Variants in MTSS1 observed in about 807,000 individuals in gnomAD.
The protein encoded by MTSS1 is protein MTSS 1.
MTSS1 carries 18 observed loss-of-function variants against 79.0 expected under a neutral mutation model. The observed-to-expected ratio is 0.23, with a 90% CI of 0.16 to 0.34. The LOEUF (loss-of-function observed/expected upper bound fraction) is 0.34. Among genes scored for constraint, MTSS1 ranks in the 10% least tolerant of loss-of-function variants. The pLI is 1.00. For synonymous variants in MTSS1, 341 were observed against 368.6 expected, an observed-to-expected ratio of 0.93 and a Z score of 0.86; for missense variants, 815 against 986.2, an observed-to-expected ratio of 0.83 and a Z score of 2.33.
chr8:124,607,259 G>A (rs1223050497), intron 3 of MTSS1, among the ~76,000 whole-genome samples: 1 of 152,206 alleles, frequency 6.6e-6, no homozygotes, highest in Admixed American at 6.5e-5. Flanking sequence ...CTGCAACTAA[G>A]CCAAGACTCT....
intron 3 of MTSS1, among the ~76,000 whole-genome samples, chr8:124,631,132 G>A (rs185286830): frequency 6.6e-6 from 1 of 152,302 alleles, no homozygotes; most frequent in Non-Finnish European, 1.5e-5. Context: ...AAACATACAC[G>A]CAGCACAGAG....
chr8:124,558,651 T>A (rs1238057101), intron 10 of MTSS1: 1 of 1,465,832 alleles, frequency 6.8e-7, no homozygotes, highest in African/African-American at 1.4e-5. Context: ...GAGGGCTGTC[T>A]GAGCAGCAGG....
At position 124,589,722 on chromosome 8, in the gene MTSS1, GC is replaced by G; in HGVS notation, c.294-12del. 6.3e-7 allele frequency: 1 copy of G among 1,578,698 alleles called. No homozygotes were observed. On this transcript the variant is annotated splice_polypyrimidine_tract_variant and intron_variant, in intron 4 of 13. Transcript: ENST00000518547. ...CAATCAATTAAAGCGCTTTTACCAA[GC>G]GGGGGGGAAAAAGGGAGAAATTAAA...
intron 3 of MTSS1, 76 bp downstream of exon 3, chr8:124,699,450 C>G (rs1313954276): frequency 1.5e-6 from 2 of 1,345,442 alleles, no homozygotes; most frequent in Non-Finnish European, 2.1e-6. Flanking sequence ...GCTGCATCTT[C>G]TTGTGCAGCC....
Position 124,582,015 on chromosome 8 carries a change from C to G in MTSS1, c.460+3072G>C, listed in dbSNP as rs891501455. 6.6e-6 allele frequency among the ~76,000 whole-genome samples: 1 copy of G among 152,162 alleles called. No individual in the cohort carries two copies. Among genetic ancestry groups the G allele is most frequent in the Non-Finnish European group, 1.5e-5 (1 of 68,036 alleles). ...GGTTACTGGGTCCGCTCCACACCATCTCCCCAGCATCCTGCCGCCTCCGTC... is the reference window on the plus strand; with the variant it reads ...GGTTACTGGGTCCGCTCCACACCATGTCCCCAGCATCCTGCCGCCTCCGTC... On this transcript the variant is annotated intron_variant, in intron 6 of 13. Transcript: ENST00000518547. This position sits in a 1 kb window ranked among gnomAD's most constrained non-coding sequence, Gnocchi z 4.8.
At chr8:124,567,558 C>T (rs1826778177) in intron 7 of MTSS1, 2 of 1,304,784 alleles carry the variant, frequency 1.5e-6, no homozygotes, top group Non-Finnish European at 9.9e-7. Flanking sequence ...GATGACACGA[C>T]TTGGATATAT....
At chr8:124,592,073 A>AC (rs1347057105) in intron 3 of MTSS1, among the ~76,000 whole-genome samples, 1 of 152,208 alleles carries the variant, frequency 6.6e-6, no homozygotes, top group African/African-American at 2.4e-5. Context: ...GGCGTGAGCC[A>AC]CCATGCCCAG....
chr8:124,556,063 C>T, intron 12 of MTSS1, 159 bp from the exon 13 acceptor site: 1 of 1,541,994 alleles, frequency 6.5e-7, no homozygotes, highest in Non-Finnish European at 8.7e-7. Flanking sequence ...TCTCTCATTC[C>T]CACACAAGGT....
At chr8:124,608,793 A>C (rs929740237) in intron 3 of MTSS1, among the ~76,000 whole-genome samples, 1 of 152,172 alleles carries the variant, frequency 6.6e-6, no homozygotes, top group Non-Finnish European at 1.5e-5. Flanking sequence ...CTAGATGGAA[A>C]ATGGATTGGC....
At chr8:124,659,140 C>G (rs1192404707) in intron 3 of MTSS1, among the ~76,000 whole-genome samples, 1 of 151,448 alleles carries the variant, frequency 6.6e-6, no homozygotes, top group Non-Finnish European at 1.5e-5. Flanking sequence ...TAGTTAAGAA[C>G]CTGAGATATA....
At chr8:124,666,592 A>G (rs967349302) in intron 3 of MTSS1, among the ~76,000 whole-genome samples, 3 of 152,096 alleles carry the variant, frequency 2.0e-5, no homozygotes, top group African/African-American at 7.2e-5. Context: ...TGAATGGAAA[A>G]CTGAGTGACT....
chr8:124,574,056 A>G lies in MTSS1; in HGVS notation c.461-5520T>C, dbSNP rs761028795. 9.9e-5 allele frequency among the ~76,000 whole-genome samples: 15 copies of G among 152,228 alleles called. No homozygotes were observed. In the East Asian group the frequency reaches 2.5e-3, roughly 26 times the overall value. ...TGCCTAGGCTGGAGTGCAGCGGCAC[A>G]ATCTCAGCTCACTGAAACCTCTGCC... On this transcript the variant is annotated intron_variant, in intron 6 of 13. Transcript: ENST00000518547.
chr8:124,565,365 T>C (rs926569952), intron 9 of MTSS1, among the ~76,000 whole-genome samples: 33 of 152,240 alleles, frequency 2.2e-4, no homozygotes, highest in African/African-American at 8.0e-4. Context: ...GTTTTCACTC[T>C]GCTAAACAGG....
At chr8:124,643,698 C>CAAAAAAAAAAA (rs11323836) in intron 3 of MTSS1, among the ~76,000 whole-genome samples, 1 of 66,920 alleles carries the variant, frequency 1.5e-5, no homozygotes, top group Non-Finnish European at 2.8e-5. Flanking sequence ...AATTCCGTCT[C>CAAAAAAAAAAA]AAAAAAAAAA....
At chr8:124,718,016 G>A (rs1415704260) in intron 1 of MTSS1, among the ~76,000 whole-genome samples, 1 of 152,218 alleles carries the variant, frequency 6.6e-6, no homozygotes, top group Non-Finnish European at 1.5e-5. Flanking sequence ...CACACGGAAA[G>A]GCAAGGACGC....
At chr8:124,703,660 C>A (rs919738800) in intron 2 of MTSS1, among the ~76,000 whole-genome samples, 1 of 152,096 alleles carries the variant, frequency 6.6e-6, no homozygotes, top group African/African-American at 2.4e-5. Flanking sequence ...GACTCTGGAG[C>A]CAGAGAGCCT....
At chr8:124,716,210 C>T (rs952932768) in intron 1 of MTSS1, among the ~76,000 whole-genome samples, 5 of 152,258 alleles carry the variant, frequency 3.3e-5, no homozygotes, top group Admixed American at 2.6e-4. Flanking sequence ...CAGTGCGGTT[C>T]CCAGAGTGAG....
At chr8:124,711,108 T>C (rs978938426) in intron 1 of MTSS1, among the ~76,000 whole-genome samples, 2 of 152,212 alleles carry the variant, frequency 1.3e-5, no homozygotes, top group Non-Finnish European at 2.9e-5. Context: ...ATCACCATCA[T>C]CATGAAGCAT....
intron 3 of MTSS1, among the ~76,000 whole-genome samples, chr8:124,617,283 T>C (rs1335078327): frequency 2.0e-5 from 3 of 152,128 alleles, no homozygotes; most frequent in Non-Finnish European, 4.4e-5. Flanking sequence ...GTCTCACCAC[T>C]TGCTTCCATT....
Sources: gnomAD v4.1 joint callset for allele counts (sites outside exome capture counted in the v4.1 genomes callset) on GRCh38, gnomAD v4.1.1 for gene constraint, Gnocchi (gnomAD v3.1) non-coding constraint, MANE v1.5 for transcripts, NCBI Gene and HGNC (gene_info 2026-07-23, HGNC 2026-07-21) for gene names.